The following POLA1 variants were observed in gnomAD, a reference collection of about 807,000 sequenced individuals.
The protein encoded by POLA1 is DNA polymerase alpha catalytic subunit.
Under a neutral mutation model 124.0 loss-of-function variants are expected in POLA1, and 15 were observed. That is an observed-to-expected ratio of 0.12 (90% CI 0.08 to 0.19). POLA1 has a LOEUF of 0.19. Among genes scored for constraint, POLA1 ranks in the 10% least tolerant of loss-of-function variants. The probability of loss-of-function intolerance (pLI) is 1.00; values close to 1 mark genes in which losing one functional copy is unlikely to be tolerated. For missense variants in POLA1, 886 were observed against 1,103.4 expected, an observed-to-expected ratio of 0.80 and a Z score of 2.79; for synonymous variants, 408 against 389.4, an observed-to-expected ratio of 1.05 and a Z score of -0.56.
chrX:24,889,493 T>G (rs2047115015), intron 35 of POLA1, among the ~76,000 whole-genome samples: 1 of 112,338 alleles, frequency 8.9e-6, no homozygotes. Flanking sequence ...CTAGGACAGG[T>G]CCATAATGTG....
chrX:24,695,200 G>A (rs111452840), intron 1 of POLA1, among the ~76,000 whole-genome samples: 4,332 of 111,571 alleles, frequency 0.039, 204 homozygotes, highest in African/African-American at 0.13. Context: ...CTGAAAGACT[G>A]CTGTAAGCTA....
At chrX:24,799,673 GAA>G (rs1373596325) in intron 26 of POLA1, among the ~76,000 whole-genome samples, 1 of 111,794 alleles carries the variant, frequency 8.9e-6, no homozygotes, top group African/African-American at 3.3e-5. Context: ...TTAGAAATTA[GAA>G]TGTCCCAAAA....
chrX:24,831,900 A>G (rs2046268768), intron 32 of POLA1, among the ~76,000 whole-genome samples: 1 of 111,782 alleles, frequency 8.9e-6, no homozygotes, highest in Admixed American at 9.5e-5. Context: ...CTACTTTTGT[A>G]TTCAATATTA....
At chrX:24,824,778 T>G (rs1465371073) in intron 31 of POLA1, among the ~76,000 whole-genome samples, 1 of 111,414 alleles carries the variant, frequency 9.0e-6, no homozygotes, top group African/African-American at 3.3e-5. Context: ...TGTGTGAATA[T>G]TTAGAATAAA....
At chrX:24,717,823 A>AT in intron 10 of POLA1, 65 bp downstream of exon 10, 2 of 737,838 alleles carry the variant, frequency 2.7e-6, no homozygotes, top group African/African-American at 4.4e-5. Context: ...TAAATATTTT[A>AT]TTTTTTGTTT....
chrX:24,801,050 C>A (rs2045696002), intron 26 of POLA1, among the ~76,000 whole-genome samples: 1 of 112,044 alleles, frequency 8.9e-6, no homozygotes. Flanking sequence ...GGATTTAAAA[C>A]AAAATCAGTT....
chrX:24,756,283 C>G (rs928853957), intron 26 of POLA1, among the ~76,000 whole-genome samples: 1 of 111,037 alleles, frequency 9.0e-6, no homozygotes, highest in Non-Finnish European at 1.9e-5. Context: ...AAGTTTGGGC[C>G]GGGCGCGGTG....
At chrX:24,894,435 G>A (rs1261805047) in intron 35 of POLA1, among the ~76,000 whole-genome samples, 7 of 112,411 alleles carry the variant, frequency 6.2e-5, no homozygotes, top group Non-Finnish European at 1.3e-4. Context: ...TCAGTAGGTA[G>A]TATATTAACA....
At chrX:24,901,987 T>C (rs2047285902) in intron 35 of POLA1, among the ~76,000 whole-genome samples, 1 of 110,112 alleles carries the variant, frequency 9.1e-6, no homozygotes. Flanking sequence ...GAAACCCCTC[T>C]GCGCGTGCAT....
intron 26 of POLA1, among the ~76,000 whole-genome samples, chrX:24,798,888 C>G (rs1202461297): frequency 9.0e-6 from 1 of 111,318 alleles, no homozygotes; most frequent in Non-Finnish European, 1.9e-5. Context: ...ACTAGGCAGT[C>G]TTTCTCAGAA....
At chrX:24,840,400 G>A (rs11094973) in intron 32 of POLA1, among the ~76,000 whole-genome samples, 6,883 of 112,029 alleles carry the variant, frequency 0.061, 508 homozygotes, top group African/African-American at 0.21. Flanking sequence ...TGTATGATCA[G>A]TGATGCTACC....
At chrX:24,716,635 A>G (rs965774590) in intron 7 of POLA1, among the ~76,000 whole-genome samples, 181 bp downstream of exon 7, 11 of 112,363 alleles carry the variant, frequency 9.8e-5, no homozygotes, top group Non-Finnish European at 2.1e-4. Flanking sequence ...CCTTTTTCAT[A>G]GTAAATTTGC....
At chrX:24,942,881 G>C (rs771049430) in intron 36 of POLA1, among the ~76,000 whole-genome samples, 1 of 111,806 alleles carries the variant, frequency 8.9e-6, no homozygotes, top group South Asian at 3.7e-4. Flanking sequence ...TTTTTTTGTA[G>C]AGATGGGGTT....
At chrX:24,728,506 A>G (rs1001461936) in intron 15 of POLA1, among the ~76,000 whole-genome samples, 5 of 112,150 alleles carry the variant, frequency 4.5e-5, no homozygotes, top group African/African-American at 1.6e-4. Context: ...TTCACACAAG[A>G]TTCGCAGATG....
intron 34 of POLA1, 66 bp from the exon 35 acceptor site, chrX:24,887,940 C>G: frequency 1.5e-6 from 1 of 662,747 alleles, no homozygotes; most frequent in Non-Finnish European, 2.5e-6. Context: ...ATCTTGATAA[C>G]CAAAAAAAGG....
At chrX:24,801,598 C>T (rs2045705082) in intron 26 of POLA1, among the ~76,000 whole-genome samples, 1 of 110,568 alleles carries the variant, frequency 9.0e-6, no homozygotes, top group Non-Finnish European at 1.9e-5. Flanking sequence ...TGGGGAGTCT[C>T]GAGAAGGCTT....
chrX:24,838,039 A>T (rs996037372), intron 32 of POLA1, among the ~76,000 whole-genome samples: 3 of 111,984 alleles, frequency 2.7e-5, no homozygotes, highest in African/African-American at 9.7e-5. Context: ...CATTCTAAAA[A>T]CAGGCATAAT....
intron 26 of POLA1, among the ~76,000 whole-genome samples, chrX:24,756,489 G>T (rs989028444): frequency 9.2e-6 from 1 of 109,266 alleles, no homozygotes; most frequent in African/African-American, 3.3e-5. Context: ...CTTGAACCCG[G>T]GAGGCAGAGG....
intron 2 of POLA1, among the ~76,000 whole-genome samples, chrX:24,701,353 C>G (rs1928403578): frequency 9.0e-6 from 1 of 110,979 alleles, no homozygotes; most frequent in African/African-American, 3.3e-5. Context: ...ATTCCAAAAG[C>G]TCTGTCCAAG....
Sources: gnomAD v4.1 joint callset for allele counts (sites outside exome capture counted in the v4.1 genomes callset) on GRCh38, gnomAD v4.1.1 for gene constraint, MANE v1.5 for transcripts, NCBI Gene and HGNC (gene_info 2026-07-23, HGNC 2026-07-21) for gene names.